C3orf70: variants seen among roughly 807,000 people sequenced by gnomAD.
The protein encoded by C3orf70 is UPF0524 protein C3orf70.
Under a neutral mutation model 20.7 loss-of-function variants are expected in C3orf70, and 15 were observed. The ratio of observed to expected loss-of-function variants is 0.72; its 90% CI spans 0.48 to 1.11. The LOEUF (loss-of-function observed/expected upper bound fraction) is 1.11. C3orf70 is among the 50% of genes most tolerant of loss of function. The pLI, the probability that C3orf70 is intolerant of heterozygous loss-of-function variation, is 0.00. For synonymous variants in C3orf70, 161 were observed against 125.7 expected (o/e 1.28, Z -1.88); for missense variants, 332 against 317.6 (o/e 1.05, Z -0.34).
chr3:185,141,473 G>C (rs939495345), intron 1 of C3orf70, among the ~76,000 whole-genome samples: 1 of 152,040 alleles, frequency 6.6e-6, no homozygotes, highest in Admixed American at 6.5e-5. Flanking sequence ...AATGTTTACA[G>C]CAGATTTATT....
Position 185,145,445 on chromosome 3 carries a change from T to C in C3orf70, c.196+7183A>G, listed in dbSNP as rs573575713. Among the ~76,000 whole-genome samples the C allele has an allele frequency of 5.0e-5, 7 of 141,164 alleles. No homozygotes were observed. The South Asian group carries it at 1.7e-3, about 34-fold the overall frequency. The allele number at this position is 141,164 out of a possible 152,430, so 92.6% of individuals were successfully genotyped here. On this transcript the variant is annotated intron_variant, in intron 1 of 1. Transcript: ENST00000335012. ...ACTGCCTAGTCTTTTTTGCCTCTTATTTTAATTTTATTTCATTCAAATACA... is the reference window on the plus strand; with the variant it reads ...ACTGCCTAGTCTTTTTTGCCTCTTACTTTAATTTTATTTCATTCAAATACA...
intron 1 of C3orf70, among the ~76,000 whole-genome samples, chr3:185,106,123 C>T (rs766978273): frequency 1.3e-4 from 20 of 152,134 alleles, no homozygotes; most frequent in Non-Finnish European, 2.4e-4. Flanking sequence ...GTTCGAGCAG[C>T]GCCTCGAGCA....
chr3:185,136,452 G>A (rs533767133), intron 1 of C3orf70, among the ~76,000 whole-genome samples: 148 of 152,290 alleles, frequency 9.7e-4, no homozygotes, highest in South Asian at 2.1e-3. Flanking sequence ...GGCCAGGCGC[G>A]GTGGCTCACG....
chr3:185,130,070 C>T (rs923543608), intron 1 of C3orf70, among the ~76,000 whole-genome samples: 6 of 152,152 alleles, frequency 3.9e-5, no homozygotes, highest in Admixed American at 1.3e-4. Flanking sequence ...TTTCCTGTTT[C>T]CTTTTCTTCC....
At chr3:185,086,643 A>G (rs542436283) in intron 1 of C3orf70, among the ~76,000 whole-genome samples, 11 of 152,322 alleles carry the variant, frequency 7.2e-5, no homozygotes, top group Admixed American at 3.3e-4. Context: ...ATTTTATTAT[A>G]GCAGCCCAAA....
At position 185,077,364 on chromosome 3, in the gene C3orf70, G is replaced by A. The variant is rs1715216951; in HGVS notation, c.*5643C>T. Among the ~76,000 whole-genome samples the A allele has an allele frequency of 6.6e-6, 1 of 152,160 alleles. No homozygotes were observed. Among genetic ancestry groups the A allele is most frequent in the Non-Finnish European group, 1.5e-5 (1 of 68,032 alleles). ...TGACTGCCACTCATGTACGAGCTGTGCCACACTGGGTAAAGATGTGGACTT... is the reference window on the plus strand; with the variant it reads ...TGACTGCCACTCATGTACGAGCTGTACCACACTGGGTAAAGATGTGGACTT... On this transcript the variant is annotated 3_prime_UTR_variant, in exon 2 of 2. Coordinates refer to ENST00000335012, the MANE Select transcript of C3orf70 (RefSeq NM_001025266.3).
At chr3:185,111,682 A>G (rs139049840) in intron 1 of C3orf70, among the ~76,000 whole-genome samples, 4 of 152,324 alleles carry the variant, frequency 2.6e-5, no homozygotes, top group Middle Eastern at 3.4e-3. Flanking sequence ...GAGTTGATAG[A>G]GGACCCCAGG....
At chr3:185,109,292 A>G (rs1716011926) in intron 1 of C3orf70, among the ~76,000 whole-genome samples, 1 of 152,246 alleles carries the variant, frequency 6.6e-6, no homozygotes, top group African/African-American at 2.4e-5. Context: ...ATCCGATAAC[A>G]AAAAGTTAGG....
rs897842016 is a variant in C3orf70 at position 185,081,728 on chromosome 3, G to C, written c.*1279C>G. 3.3e-5 allele frequency: 5 copies of C among 152,658 alleles called. No individual in the cohort carries two copies. The highest frequency in any genetic ancestry group is 2.6e-4 in the Admixed American group (4 of 15,284). 9.5% of individuals were successfully genotyped at this position (152,658 alleles called of 1,614,324 possible). On this transcript the variant is annotated 3_prime_UTR_variant, in exon 2 of 2. Transcript: ENST00000335012. ...ATTAGTCACTATTTTGTGCATGTGA[G>C]GGGAGAGAACACATACAACAGACAG...
chr3:185,118,193 A>C (rs1470884361), intron 1 of C3orf70, among the ~76,000 whole-genome samples: 1 of 152,204 alleles, frequency 6.6e-6, no homozygotes, highest in East Asian at 1.9e-4. Context: ...TAAATGAATA[A>C]ATGAATGTTC....
In C3orf70 at chr3:185,152,882, G is replaced by T. The variant is rs1717026250; in HGVS notation, c.-59C>A. The T allele has an allele frequency of 1.4e-6, 2 of 1,400,692 alleles. No homozygotes were observed. Among genetic ancestry groups the T allele is most frequent in the Non-Finnish European group, 1.9e-6 (2 of 1,070,430 alleles). The allele number at this position is 1,400,692 out of a possible 1,614,324, so 86.8% of individuals were successfully genotyped here. On this transcript the variant is annotated 5_prime_UTR_variant, in exon 1 of 2. Transcript: ENST00000335012. Reference sequence around the variant, plus strand: ...GCCCGGGAGAAGCGACGTCTGGGTGGGCAGGAAGCCGAGCCGGCTGCGGAC... The same window carrying T: ...GCCCGGGAGAAGCGACGTCTGGGTGTGCAGGAAGCCGAGCCGGCTGCGGAC...
intron 1 of C3orf70, among the ~76,000 whole-genome samples, chr3:185,098,766 G>A (rs1330921211): frequency 6.6e-6 from 1 of 152,156 alleles, no homozygotes; most frequent in Non-Finnish European, 1.5e-5. Context: ...AATCAGTGAA[G>A]TCTGAGTAAG....
At position 185,077,786 on chromosome 3, in the gene C3orf70, T is replaced by TGG. The variant is rs757363358; in HGVS notation, c.*5219_*5220dup. 3.6e-4 allele frequency among the ~76,000 whole-genome samples: 31 copies of TGG among 85,070 alleles called. No homozygotes were observed. Among genetic ancestry groups the TGG allele is most frequent in the East Asian group, 2.0e-3 (4 of 1,994 alleles). 55.8% of individuals were successfully genotyped at this position (85,070 alleles called of 152,430 possible). A position where few individuals can be genotyped will look rare whatever the true frequency, so the allele number is the denominator to read the frequency against. On this transcript the variant is annotated 3_prime_UTR_variant, in exon 2 of 2. Transcript: ENST00000335012. ...GTGTGAAATAAATGCTATTTGGTGG[T>TGG]GGTGGGGGGGGGGTATCAAGTTTTA...
At chr3:185,099,995 G>A (rs1715789160) in intron 1 of C3orf70, among the ~76,000 whole-genome samples, 1 of 152,178 alleles carries the variant, frequency 6.6e-6, no homozygotes, top group African/African-American at 2.4e-5. Flanking sequence ...AATTTAGCAA[G>A]AAGACGTAAC....
chr3:185,108,983 T>C (rs1716004224), intron 1 of C3orf70, among the ~76,000 whole-genome samples: 1 of 152,208 alleles, frequency 6.6e-6, no homozygotes. Context: ...CCCCAGGTTA[T>C]ACTAGCCAAG....
chr3:185,115,699 C>T (rs560298456), intron 1 of C3orf70, among the ~76,000 whole-genome samples: 1 of 152,166 alleles, frequency 6.6e-6, no homozygotes, highest in South Asian at 2.1e-4. Context: ...TATAACAAAG[C>T]CCCATAGCCT....
At chr3:185,145,629 G>A (rs76601980) in intron 1 of C3orf70, among the ~76,000 whole-genome samples, 1,723 of 152,202 alleles carry the variant, frequency 0.011, 32 homozygotes, top group African/African-American at 0.038. Context: ...TATACCTTCA[G>A]TGGAACCAAG....
At chr3:185,126,155 T>C (rs145303057) in intron 1 of C3orf70, among the ~76,000 whole-genome samples, 164 of 152,322 alleles carry the variant, frequency 1.1e-3, no homozygotes, top group African/African-American at 3.8e-3. Context: ...CTAACAATTC[T>C]ATAATGTTCA....
At position 185,083,002 on chromosome 3, in the gene C3orf70, G is replaced by T; in HGVS notation, c.*5C>A. 2 of 1,610,456 alleles carry T rather than the reference G, an allele frequency of 1.2e-6. No individual in the cohort carries two copies. The highest frequency in any genetic ancestry group is 1.1e-5 in the South Asian group (1 of 90,718). On this transcript the variant is annotated 3_prime_UTR_variant, in exon 2 of 2. Transcript: ENST00000335012. ...GTCCGAGGCTGTGGCTTCCTGTCTG[G>T]ACTCTCACACAGTCGTTTCTATCGT...
Sources: gnomAD v4.1 joint callset for allele counts (sites outside exome capture counted in the v4.1 genomes callset) on GRCh38, gnomAD v4.1.1 for gene constraint, MANE v1.5 for transcripts, NCBI Gene and HGNC (gene_info 2026-07-23, HGNC 2026-07-21) for gene names.